KCNIP1: variants seen among roughly 807,000 people sequenced by gnomAD.
KCNIP1 encodes A-type potassium channel modulatory protein KCNIP1.
Under a neutral mutation model 33.0 loss-of-function variants are expected in KCNIP1, and 18 were observed. That is an observed-to-expected ratio of 0.55 (90% CI 0.38 to 0.81). The LOEUF is 0.81. Among genes scored for constraint, KCNIP1 ranks in the 30% least tolerant of loss-of-function variants. The pLI is 0.00. For missense variants in KCNIP1, 238 were observed against 271.6 expected (o/e 0.88, Z 0.87); for synonymous variants, 93 against 98.3 (o/e 0.95, Z 0.32).
chr5:170,651,345 G>A (rs1761035758), intron 1 of KCNIP1, among the ~76,000 whole-genome samples: 2 of 152,178 alleles, frequency 1.3e-5, no homozygotes, highest in Admixed American at 1.3e-4. Context: ...GGGAAGGCAG[G>A]TGGGTTCTAG....
intron 1 of KCNIP1, among the ~76,000 whole-genome samples, chr5:170,518,074 G>A (rs1755215933): frequency 6.6e-6 from 1 of 152,022 alleles, no homozygotes. Context: ...TGATAGTGAT[G>A]GTGGTGGTGT....
At chr5:170,473,671 T>C (rs555256864) in intron 1 of KCNIP1, among the ~76,000 whole-genome samples, 2 of 152,296 alleles carry the variant, frequency 1.3e-5, no homozygotes, top group Admixed American at 6.5e-5. Flanking sequence ...CCCACACCTG[T>C]GGTCTTCCAA....
intron 1 of KCNIP1, among the ~76,000 whole-genome samples, chr5:170,674,108 T>A (rs1435407222): frequency 2.9e-5 from 4 of 138,908 alleles, no homozygotes; most frequent in Non-Finnish European, 4.5e-5. Flanking sequence ...CCTGGCAATT[T>A]ATTCCCAAGA....
intron 1 of KCNIP1, among the ~76,000 whole-genome samples, chr5:170,388,656 T>C (rs1764585167): frequency 6.6e-6 from 1 of 152,024 alleles, no homozygotes; most frequent in Admixed American, 6.6e-5. Context: ...AGGAATAGAG[T>C]ACATTGTTGA....
chr5:170,722,054 T>C, intron 4 of KCNIP1, 151 bp downstream of exon 4: 3 of 1,003,752 alleles, frequency 3.0e-6, no homozygotes, highest in Non-Finnish European at 4.4e-6. Flanking sequence ...TTCCTAAAGA[T>C]GGGGAAAAGC....
chr5:170,566,894 A>G (rs1172986109), intron 1 of KCNIP1, among the ~76,000 whole-genome samples: 2 of 152,226 alleles, frequency 1.3e-5, no homozygotes, highest in African/African-American at 4.8e-5. Flanking sequence ...GAAGGAAGAT[A>G]TGGCATGGAG....
chr5:170,479,770 A>T (rs1756936634), intron 1 of KCNIP1, among the ~76,000 whole-genome samples: 1 of 152,258 alleles, frequency 6.6e-6, no homozygotes, highest in Non-Finnish European at 1.5e-5. Flanking sequence ...TAAATATTAA[A>T]CAAAGCACTG....
intron 1 of KCNIP1, among the ~76,000 whole-genome samples, chr5:170,632,444 C>T (rs1454003537): frequency 6.6e-6 from 1 of 152,252 alleles, no homozygotes; most frequent in Non-Finnish European, 1.5e-5. Flanking sequence ...GAGAAGCAGC[C>T]TCCTTTGGCA....
At chr5:170,719,375 G>T (rs1763741834) in intron 2 of KCNIP1, among the ~76,000 whole-genome samples, 1 of 152,166 alleles carries the variant, frequency 6.6e-6, no homozygotes, top group African/African-American at 2.4e-5. Context: ...TGGAAGCCAG[G>T]TTACAATCAA....
At chr5:170,573,285 G>A (rs1036776353) in intron 1 of KCNIP1, among the ~76,000 whole-genome samples, 3 of 152,156 alleles carry the variant, frequency 2.0e-5, no homozygotes, top group Admixed American at 6.5e-5. Context: ...ATGCTCTGGC[G>A]GTCTGGGGAA....
chr5:170,563,918 G>C (rs1310888435), intron 1 of KCNIP1, among the ~76,000 whole-genome samples: 1 of 152,184 alleles, frequency 6.6e-6, no homozygotes, highest in Non-Finnish European at 1.5e-5. Flanking sequence ...GATTACAAGC[G>C]TGAGCCACTG....
intron 1 of KCNIP1, chr5:170,375,330 G>A (rs1490274785): frequency 6.6e-6 from 1 of 152,226 alleles, no homozygotes; most frequent in Non-Finnish European, 1.5e-5. Flanking sequence ...AGGGAATGAT[G>A]AGCTGCCTGC....
At chr5:170,556,176 C>T (rs1451298760) in intron 1 of KCNIP1, among the ~76,000 whole-genome samples, 1 of 152,234 alleles carries the variant, frequency 6.6e-6, no homozygotes, top group East Asian at 1.9e-4. Context: ...GATGGATGAG[C>T]AAGCTGTGGT....
intron 1 of KCNIP1, among the ~76,000 whole-genome samples, chr5:170,359,513 C>T (rs1244936847): frequency 1.3e-5 from 2 of 152,184 alleles, no homozygotes; most frequent in African/African-American, 4.8e-5. Flanking sequence ...ACTGTCCTGG[C>T]AGTGAGGGGC....
chr5:170,558,831 C>A (rs1756931059), intron 1 of KCNIP1, among the ~76,000 whole-genome samples: 1 of 152,206 alleles, frequency 6.6e-6, no homozygotes, highest in African/African-American at 2.4e-5. Flanking sequence ...CTTATAAACC[C>A]CAGAGTTGTT....
chr5:170,716,207 G>A (rs1469277322), intron 1 of KCNIP1, among the ~76,000 whole-genome samples: 4 of 152,194 alleles, frequency 2.6e-5, no homozygotes, highest in East Asian at 1.9e-4. Context: ...ACCCATGAGC[G>A]TCACAACCAG....
intron 1 of KCNIP1, among the ~76,000 whole-genome samples, chr5:170,681,732 T>C (rs1318254438): frequency 6.6e-6 from 1 of 152,224 alleles, no homozygotes; most frequent in Non-Finnish European, 1.5e-5. Context: ...TGACTTCAGC[T>C]CCATTCCTTA....
At chr5:170,470,075 T>G (rs1756689707) in intron 1 of KCNIP1, among the ~76,000 whole-genome samples, 1 of 152,184 alleles carries the variant, frequency 6.6e-6, no homozygotes, top group African/African-American at 2.4e-5. Flanking sequence ...AGAGCCAATC[T>G]GAGCTGTCGC....
chr5:170,423,442 C>T (rs931724360), intron 1 of KCNIP1, among the ~76,000 whole-genome samples: 1 of 152,092 alleles, frequency 6.6e-6, no homozygotes, highest in Non-Finnish European at 1.5e-5. Flanking sequence ...ATTTGTCTCC[C>T]CAAGGGAACC....
Sources: allele counts gnomAD v4.1 joint callset (sites outside exome capture counted in the v4.1 genomes callset), GRCh38; gene constraint gnomAD v4.1.1; transcripts MANE v1.5; gene names NCBI Gene and HGNC (gene_info 2026-07-23, HGNC 2026-07-21).